Variants in SYT16 observed in about 807,000 individuals in gnomAD.
SYT16 encodes synaptotagmin-16.
In SYT16, 42 loss-of-function variants were observed where a neutral mutation model predicts 61.4. The observed-to-expected ratio is 0.68, with a 90% CI of 0.53 to 0.89. The LOEUF (loss-of-function observed/expected upper bound fraction) is 0.89. Ranked by LOEUF, SYT16 falls within the 40% of genes least tolerant of loss-of-function variation. The pLI is 0.00. For synonymous variants in SYT16, 314 were observed against 302.3 expected (o/e 1.04, Z -0.40); for missense variants, 804 against 807.3 (o/e 1.00, Z 0.05).
At chr14:62,046,457 A>G (rs991007137) in intron 3 of SYT16, among the ~76,000 whole-genome samples, 1 of 152,020 alleles carries the variant, frequency 6.6e-6, no homozygotes, top group Non-Finnish European at 1.5e-5. Flanking sequence ...CTTTAGTTTA[A>G]TTAGATCCCA....
At chr14:61,896,595 G>A (rs148085692) in intron 1 of SYT16, among the ~76,000 whole-genome samples, 52 of 152,298 alleles carry the variant, frequency 3.4e-4, no homozygotes, top group Non-Finnish European at 5.4e-4. Context: ...GCCAGAATGA[G>A]TTAATGAAAA....
chr14:61,856,488 A>G (rs549239251), intron 1 of SYT16, among the ~76,000 whole-genome samples: 9 of 152,336 alleles, frequency 5.9e-5, no homozygotes, highest in African/African-American at 1.9e-4. Context: ...AGACTGAAGT[A>G]TGAGAGATAC....
At chr14:62,094,700 T>G (rs2057207485) in intron 7 of SYT16, among the ~76,000 whole-genome samples, 1 of 152,038 alleles carries the variant, frequency 6.6e-6, no homozygotes, top group Admixed American at 6.6e-5. Context: ...ATATTCTAGG[T>G]ATGTTTGATC....
In SYT16 at chr14:61,996,314, C is replaced by A; in HGVS notation, c.295C>A (p.Gln99Lys). 1 of 1,613,460 alleles carries A rather than the reference C, an allele frequency of 6.2e-7. No homozygotes were observed. Among genetic ancestry groups the A allele is most frequent in the Non-Finnish European group, 8.5e-7 (1 of 1,179,552 alleles). ...TTTCTCATGTTGTAATAGTGATTTG[C>A]AGGACTCTGCCCAAAATTCAAGCCC... ...DHFSCCNSDLQDSAQNSSPSL... is the reference protein window; with the variant it reads ...DHFSCCNSDLKDSAQNSSPSL... The change falls in exon 3 of 8, where the codon CAG (glutamine) becomes AAG (lysine). Residue 99 changes from glutamine (Q) to lysine (K), a missense_variant. Physicochemically the swap from Gln to Lys is moderately conservative, Grantham distance 53. Transcript: ENST00000683842.
At chr14:62,042,767 C>A (rs1164006850) in intron 3 of SYT16, among the ~76,000 whole-genome samples, 2 of 152,206 alleles carry the variant, frequency 1.3e-5, no homozygotes, top group African/African-American at 4.8e-5. Context: ...TAGTCCTTGA[C>A]CTCCCTGGAC....
intron 1 of SYT16, among the ~76,000 whole-genome samples, chr14:61,842,134 A>G (rs2046317891): frequency 6.6e-6 from 1 of 152,228 alleles, no homozygotes; most frequent in African/African-American, 2.4e-5. Flanking sequence ...CACATCATGT[A>G]AAATGAGGGA....
chr14:61,818,799 T>G (rs2045526302), intron 1 of SYT16, among the ~76,000 whole-genome samples: 1 of 152,182 alleles, frequency 6.6e-6, no homozygotes. Flanking sequence ...AAAAGCTGAC[T>G]AAGCCTGGGT....
At chr14:62,008,859 T>C (rs1429574443) in intron 3 of SYT16, among the ~76,000 whole-genome samples, 1 of 152,158 alleles carries the variant, frequency 6.6e-6, no homozygotes, top group African/African-American at 2.4e-5. Flanking sequence ...CCATTTTCCA[T>C]CCTTCAATTG....
chr14:61,959,840 G>T (rs1219349039), intron 1 of SYT16, among the ~76,000 whole-genome samples: 5 of 151,724 alleles, frequency 3.3e-5, no homozygotes, highest in Non-Finnish European at 4.4e-5. Flanking sequence ...TTTTTTTGTG[G>T]GGCTCGGGGG....
intron 3 of SYT16, among the ~76,000 whole-genome samples, chr14:62,046,525 G>A (rs559944007): frequency 2.2e-4 from 34 of 152,222 alleles, no homozygotes; most frequent in African/African-American, 7.9e-4. Context: ...TGAAGTCCTT[G>A]CCCATGCCTA....
At chr14:62,083,159 G>GA (rs2056767542) in intron 6 of SYT16, among the ~76,000 whole-genome samples, 1 of 151,776 alleles carries the variant, frequency 6.6e-6, no homozygotes, top group South Asian at 2.1e-4. Context: ...TTAGGTGGGG[G>GA]GCGCTCTGCA....
In SYT16 at chr14:61,877,322, C is replaced by T. The variant is rs1447463073; in HGVS notation, c.-325+64512C>T. 5.3e-5 allele frequency among the ~76,000 whole-genome samples: 8 copies of T among 152,244 alleles called. No individual in the cohort carries two copies. In the East Asian group the frequency reaches 5.8e-4, roughly 11 times the overall value. On this transcript the variant is annotated intron_variant, in intron 1 of 7. Transcript: ENST00000683842. ...TTGTCACACACACACTCCCACAGTC[C>T]GACAGTTAGGTCTGGGGTCAGGCAG...
intron 1 of SYT16, among the ~76,000 whole-genome samples, chr14:61,965,206 C>T (rs1004735504): frequency 6.6e-6 from 1 of 152,100 alleles, no homozygotes; most frequent in Admixed American, 6.6e-5. Flanking sequence ...CCTTTTTGTG[C>T]AACCCTGATT....
At chr14:62,001,543 T>C (rs185911858) in intron 3 of SYT16, among the ~76,000 whole-genome samples, 1 of 152,208 alleles carries the variant, frequency 6.6e-6, no homozygotes, top group Non-Finnish European at 1.5e-5. Context: ...CTAGGAGTGT[T>C]TGTGCATGGA....
At chr14:61,964,178 TA>T (rs1319683686) in intron 1 of SYT16, among the ~76,000 whole-genome samples, 1 of 152,166 alleles carries the variant, frequency 6.6e-6, no homozygotes, top group African/African-American at 2.4e-5. Context: ...GCTCATTATT[TA>T]AGAAATATGT....
chr14:61,969,197 A>T (rs1046632226), intron 1 of SYT16, among the ~76,000 whole-genome samples: 1 of 152,110 alleles, frequency 6.6e-6, no homozygotes, highest in African/African-American at 2.4e-5. Flanking sequence ...ATTCATTTTC[A>T]TAAGCGTTCA....
Position 61,946,309 on chromosome 14 carries a change from G to T in SYT16, c.-324-23823G>T, listed in dbSNP as rs186023472. The stretch of plus-strand genomic sequence containing the variant: ...AGAAACAGAAAGTCAAATACTGCAT[G>T]TTCTCACTTATAAGTGGGAGCTAAA... On this transcript the variant is annotated intron_variant, in intron 1 of 7. Transcript: ENST00000683842. Among the ~76,000 whole-genome samples the T allele has an allele frequency of 1.7e-4, 26 of 152,276 alleles. No homozygotes were observed. The East Asian group carries it at 3.9e-3, about 23-fold the overall frequency.
chr14:61,969,235 T>TTAA (rs3081450), intron 1 of SYT16, among the ~76,000 whole-genome samples: 52,862 of 151,898 alleles, frequency 0.35, 9,976 homozygotes, highest in African/African-American at 0.47. Context: ...TGAATCATTC[T>TTAA]TGATATTTGT....
At chr14:61,927,122 C>T (rs1236859303) in intron 1 of SYT16, among the ~76,000 whole-genome samples, 2 of 152,292 alleles carry the variant, frequency 1.3e-5, no homozygotes, top group East Asian at 1.9e-4. Context: ...CAGCTATTGC[C>T]TCTGGCTTCA....
Sources: gnomAD v4.1 joint callset for allele counts (sites outside exome capture counted in the v4.1 genomes callset) on GRCh38, gnomAD v4.1.1 for gene constraint, MANE v1.5 for transcripts, NCBI Gene and HGNC (gene_info 2026-07-23, HGNC 2026-07-21) for gene names.